The following CYP19A1 variants were observed in gnomAD, a reference collection of about 807,000 sequenced individuals.
CYP19A1 encodes aromatase.
CYP19A1 carries 32 observed loss-of-function variants against 44.4 expected under a neutral mutation model. That is an observed-to-expected ratio of 0.72 (90% CI 0.54 to 0.97). The LOEUF is 0.97. Ranked by LOEUF, CYP19A1 falls within the 50% of genes least tolerant of loss-of-function variation. CYP19A1 has a pLI of 0.00. For missense variants in CYP19A1, 598 were observed against 637.8 expected, an observed-to-expected ratio of 0.94 and a Z score of 0.67; for synonymous variants, 212 against 215.6, an observed-to-expected ratio of 0.98 and a Z score of 0.14.
chr15:51,318,401 C>G (rs896003766), intron 1 of CYP19A1: 1 of 152,266 alleles, frequency 6.6e-6, no homozygotes, highest in Admixed American at 6.5e-5. Context: ...ACAGAACAGT[C>G]TCTTGTCCCT....
Position 51,222,350 on chromosome 15 carries a change from G to A in CYP19A1, c.627C>T (p.Asp209=), listed in dbSNP as rs1374095564. ...SNTLFLRIPL[D]ESAIVVKIQG... ...ATGTGAGAGTGAAAATTTCAGTACC[G>A]TCCAAAGGGATCCTCAAGAAGAGCG... Residue 209 remains aspartate, a splice_region_variant and synonymous_variant, in exon 5 of 10, where the codon GAC becomes GAT. Coordinates refer to ENST00000396402, the MANE Select transcript of CYP19A1 (RefSeq NM_000103.4). 24 of 1,613,952 alleles carry A rather than the reference G, an allele frequency of 1.5e-5. No homozygotes were observed. Among genetic ancestry groups the A allele is most frequent in the Admixed American group, 3.3e-5 (2 of 60,008 alleles).
intron 5 of CYP19A1, 170 bp downstream of exon 5, chr15:51,222,179 T>C (rs773541928): frequency 5.1e-5 from 63 of 1,247,290 alleles, no homozygotes; most frequent in Admixed American, 1.8e-4. Context: ...ATTTATATTT[T>C]ATAAGTGAAC....
At chr15:51,279,296 G>A (rs2035433724) in intron 1 of CYP19A1, among the ~76,000 whole-genome samples, 1 of 152,328 alleles carries the variant, frequency 6.6e-6, no homozygotes, top group Admixed American at 6.5e-5. Flanking sequence ...AGGGCATCCT[G>A]GAATGAACCC....
At chr15:51,283,199 G>A (rs1376347428) in intron 1 of CYP19A1, among the ~76,000 whole-genome samples, 6 of 150,138 alleles carry the variant, frequency 4.0e-5, no homozygotes, top group Admixed American at 6.6e-5. Context: ...AACAGAAACC[G>A]GAGGAAATTA....
intron 1 of CYP19A1, among the ~76,000 whole-genome samples, chr15:51,245,218 A>G (rs2033995800): frequency 6.6e-6 from 1 of 152,230 alleles, no homozygotes; most frequent in Non-Finnish European, 1.5e-5. Flanking sequence ...TTGTGTGTCT[A>G]AAATGTTTAA....
rs1053383472 is a variant in CYP19A1, at chr15:51,320,108, C to A, written c.-39+18387G>T. On this transcript the variant is annotated intron_variant, in intron 1 of 9. Coordinates refer to ENST00000396402, the MANE Select transcript of CYP19A1 (RefSeq NM_000103.4). The stretch of plus-strand genomic sequence containing the variant: ...GTAGACCTTTGAGGATCTGACCTTC[C>A]AACTCAAATCTCCCCATCCAATGCT... The A allele has an allele frequency of 7.9e-5, 12 of 152,290 alleles. No homozygotes were observed. The East Asian group carries it at 2.3e-3, about 29-fold the overall frequency. 9.4% of individuals were successfully genotyped at this position (152,290 alleles called of 1,614,324 possible).
chr15:51,331,635 C>T (rs537450615), intron 1 of CYP19A1, among the ~76,000 whole-genome samples: 23 of 152,170 alleles, frequency 1.5e-4, no homozygotes, highest in Admixed American at 3.9e-4. Context: ...CAGGGGGGCG[C>T]GACTTCTTGC....
chr15:51,324,197 C>T (rs1455931324), intron 1 of CYP19A1, among the ~76,000 whole-genome samples: 1 of 152,152 alleles, frequency 6.6e-6, no homozygotes, highest in African/African-American at 2.4e-5. Flanking sequence ...CAGAAGACAC[C>T]CCACCAGCCC....
At chr15:51,214,932 G>C (rs1347336914) in intron 8 of CYP19A1, 138 bp downstream of exon 8, 2 of 1,348,524 alleles carry the variant, frequency 1.5e-6, no homozygotes, top group African/African-American at 1.5e-5. Context: ...GTAATCAAAT[G>C]TGACAGAATG....
At chr15:51,316,079 A>C (rs2036421350) in intron 1 of CYP19A1, 2 of 152,246 alleles carry the variant, frequency 1.3e-5, no homozygotes, top group Non-Finnish European at 2.9e-5. Flanking sequence ...CTGTGCCATC[A>C]TGGGCACATC....
intron 8 of CYP19A1, 129 bp downstream of exon 8, chr15:51,214,941 T>C (rs2031417261): frequency 1.4e-6 from 2 of 1,397,360 alleles, no homozygotes; most frequent in Non-Finnish European, 1.9e-6. Flanking sequence ...TGTGACAGAA[T>C]GTCTTGCTTT....
intron 3 of CYP19A1, among the ~76,000 whole-genome samples, chr15:51,236,129 AT>A (rs1462070105): frequency 8.5e-5 from 13 of 152,166 alleles, no homozygotes; most frequent in African/African-American, 3.1e-4. Context: ...ATTTTTTTAA[AT>A]GGGTAATATT....
At chr15:51,305,781 G>A (rs961389635) in intron 1 of CYP19A1, among the ~76,000 whole-genome samples, 10 of 151,886 alleles carry the variant, frequency 6.6e-5, no homozygotes, top group African/African-American at 1.7e-4. Context: ...GGCTGGTCTC[G>A]AACTCCTGAC....
At chr15:51,276,861 C>A (rs1047718764) in intron 1 of CYP19A1, among the ~76,000 whole-genome samples, 1 of 152,156 alleles carries the variant, frequency 6.6e-6, no homozygotes, top group African/African-American at 2.4e-5. Context: ...AGAGGAGCAA[C>A]TGTAAGTCCC....
At chr15:51,247,838 C>A (rs994032838) in intron 1 of CYP19A1, among the ~76,000 whole-genome samples, 1 of 152,200 alleles carries the variant, frequency 6.6e-6, no homozygotes, top group African/African-American at 2.4e-5. Context: ...CTAACCATAT[C>A]CAGTCACAAA....
intron 3 of CYP19A1, among the ~76,000 whole-genome samples, chr15:51,229,061 G>A (rs1183302323): frequency 6.6e-6 from 1 of 152,116 alleles, no homozygotes; most frequent in African/African-American, 2.4e-5. Flanking sequence ...ATTCCCAGAG[G>A]ACTCTAGACC....
chr15:51,276,269 T>A (rs1185316310), intron 1 of CYP19A1, among the ~76,000 whole-genome samples: 1 of 152,202 alleles, frequency 6.6e-6, no homozygotes, highest in Admixed American at 6.5e-5. Flanking sequence ...CTTCGTCAGA[T>A]GGCTCATTAT....
intron 3 of CYP19A1, among the ~76,000 whole-genome samples, chr15:51,234,902 A>G (rs2033287079): frequency 1.3e-5 from 2 of 152,196 alleles, no homozygotes; most frequent in South Asian, 4.1e-4. Flanking sequence ...GCACTGTGCT[A>G]GATCCTGGGC....
intron 1 of CYP19A1, among the ~76,000 whole-genome samples, chr15:51,338,198 A>G (rs1434115696): frequency 6.6e-6 from 1 of 152,200 alleles, no homozygotes; most frequent in Non-Finnish European, 1.5e-5. Context: ...TCTCCTCACC[A>G]TTGGATAGCC....
Sources: gnomAD v4.1 joint callset for allele counts (sites outside exome capture counted in the v4.1 genomes callset) on GRCh38, gnomAD v4.1.1 for gene constraint, MANE v1.5 for transcripts, NCBI Gene and HGNC (gene_info 2026-07-23, HGNC 2026-07-21) for gene names.